PTPN4: variants seen among roughly 807,000 people sequenced by gnomAD.
PTPN4 encodes the protein tyrosine-protein phosphatase non-receptor type 4.
Under a neutral mutation model 135.5 loss-of-function variants are expected in PTPN4, and 49 were observed. The ratio of observed to expected loss-of-function variants is 0.36; its 90% CI spans 0.29 to 0.46. The LOEUF (loss-of-function observed/expected upper bound fraction) is 0.46, where lower values mean the gene tolerates loss of function less well. Ranked by LOEUF, PTPN4 falls within the 20% of genes least tolerant of loss-of-function variation. The pLI, the probability that PTPN4 is intolerant of heterozygous loss-of-function variation, is 1.00. For missense variants in PTPN4, 860 were observed against 1,101.0 expected (o/e 0.78, Z 3.10); for synonymous variants, 333 against 369.9 (o/e 0.90, Z 1.14).
chr2:119,853,673 A>G (rs1276023738), intron 2 of PTPN4, among the ~76,000 whole-genome samples: 1 of 152,196 alleles, frequency 6.6e-6, no homozygotes, highest in Admixed American at 6.5e-5. Context: ...AGCACATCAA[A>G]TAGGTATAAT....
chr2:119,969,195 T>C (rs1412598097), intron 26 of PTPN4, among the ~76,000 whole-genome samples: 3 of 152,004 alleles, frequency 2.0e-5, no homozygotes, highest in African/African-American at 7.3e-5. Flanking sequence ...TTATTTTTTG[T>C]AGAGAGGGGA....
intron 2 of PTPN4, among the ~76,000 whole-genome samples, chr2:119,853,695 C>G (rs1341663724): frequency 6.6e-6 from 1 of 152,036 alleles, no homozygotes; most frequent in African/African-American, 2.4e-5. Flanking sequence ...TTTGCTTTAG[C>G]CTTTAAACAT....
chr2:119,896,472 C>A (rs1256241968), intron 9 of PTPN4, among the ~76,000 whole-genome samples: 1 of 152,148 alleles, frequency 6.6e-6, no homozygotes, highest in South Asian at 2.1e-4. Context: ...CTATTTCCTG[C>A]AGATTGGCAG....
At chr2:119,881,895 T>C in intron 6 of PTPN4, 65 bp downstream of exon 6, 1 of 1,280,358 alleles carries the variant, frequency 7.8e-7, no homozygotes, top group Non-Finnish European at 1.1e-6. Context: ...TTTAAATCTG[T>C]GTTAAGTAAT....
rs1361854429 is a variant in PTPN4 at position 119,760,344 on chromosome 2, T to C, written c.-58T>C. ...CTCTGCGCGCCGGGGCCTCGAGGCT[T>C]TTTTTCTCCAGCCGAGAGGACGCGG... On this transcript the variant is annotated 5_prime_UTR_variant, in exon 1 of 27. Coordinates refer to ENST00000263708, the MANE Select transcript of PTPN4 (RefSeq NM_002830.4). 1 of 393,618 alleles carries C rather than the reference T, an allele frequency of 2.5e-6. No homozygotes were observed. Among genetic ancestry groups the C allele is most frequent in the African/African-American group, 2.1e-5 (1 of 48,368 alleles). 24.4% of individuals were successfully genotyped at this position (393,618 alleles called of 1,614,324 possible).
chr2:119,957,926 A>G (rs1460027285), intron 22 of PTPN4, among the ~76,000 whole-genome samples: 1 of 152,182 alleles, frequency 6.6e-6, no homozygotes, highest in Non-Finnish European at 1.5e-5. Context: ...GAAATATGTG[A>G]AAATTGTTTA....
intron 5 of PTPN4, among the ~76,000 whole-genome samples, chr2:119,880,696 T>A (rs1357374822): frequency 6.6e-6 from 1 of 151,952 alleles, no homozygotes; most frequent in African/African-American, 2.4e-5. Flanking sequence ...CGCCTCGGCC[T>A]CCCAGATAAC....
chr2:119,761,887 C>T (rs11682103), intron 1 of PTPN4, among the ~76,000 whole-genome samples: 31,887 of 152,064 alleles, frequency 0.21, 4,130 homozygotes, highest in South Asian at 0.33. Context: ...ACGAGTTCCT[C>T]AAAAGTAGTA....
chr2:119,823,342 C>G (rs779499257), intron 2 of PTPN4, among the ~76,000 whole-genome samples: 1 of 151,734 alleles, frequency 6.6e-6, no homozygotes, highest in Non-Finnish European at 1.5e-5. Flanking sequence ...TCACGCCATT[C>G]TCCTGTCTCA....
chr2:119,866,960 G>C (rs1433762166), intron 3 of PTPN4, among the ~76,000 whole-genome samples: 1 of 152,026 alleles, frequency 6.6e-6, no homozygotes. Context: ...GTTTAACTCT[G>C]TTGTATTTTG....
chr2:119,966,093 T>C (rs1679441259), intron 25 of PTPN4, among the ~76,000 whole-genome samples: 1 of 152,194 alleles, frequency 6.6e-6, no homozygotes, highest in Non-Finnish European at 1.5e-5. Context: ...TGAGGACTGC[T>C]CTCTGCTTCC....
At chr2:119,858,576 AT>A (rs1473352869) in intron 2 of PTPN4, among the ~76,000 whole-genome samples, 1 of 151,728 alleles carries the variant, frequency 6.6e-6, no homozygotes, top group Non-Finnish European at 1.5e-5. Flanking sequence ...ATGTCACCTC[AT>A]TTTTTTCTTG....
chr2:119,875,785 G>A (rs1677975328), intron 3 of PTPN4, among the ~76,000 whole-genome samples: 1 of 152,134 alleles, frequency 6.6e-6, no homozygotes, highest in South Asian at 2.1e-4. Flanking sequence ...GCTAGGTGCT[G>A]ACTCTACAGT....
rs190353188 is a variant in PTPN4 at position 119,942,265 on chromosome 2, A to C, written c.1356-2816A>C. On this transcript the variant is annotated intron_variant, in intron 15 of 26. Transcript: ENST00000263708. ...CCATAGAATCAGTGCTGTCCCTCTC[A>C]TGTAACTGAGTATTGCCACTGTTAG... Among the ~76,000 whole-genome samples the C allele has an allele frequency of 5.5e-3, 844 of 152,282 alleles. 5 individuals are homozygous for C. The highest frequency in any genetic ancestry group is 7.3e-3 in the Non-Finnish European group (499 of 68,024).
At chr2:119,877,600 T>C in intron 5 of PTPN4, 58 bp downstream of exon 5, 1 of 1,533,922 alleles carries the variant, frequency 6.5e-7, no homozygotes, top group South Asian at 1.3e-5. Flanking sequence ...TATGAAATTT[T>C]GAAATTAATT....
chr2:119,961,092 C>A (rs1679358604), intron 23 of PTPN4, 139 bp downstream of exon 23: 2 of 1,033,618 alleles, frequency 1.9e-6, no homozygotes, highest in Non-Finnish European at 1.4e-6. Context: ...TTTAAATCAT[C>A]ATGTTTAAGT....
intron 1 of PTPN4, among the ~76,000 whole-genome samples, chr2:119,809,228 T>C (rs1691534987): frequency 1.3e-5 from 2 of 152,060 alleles, no homozygotes; most frequent in Non-Finnish European, 2.9e-5. Context: ...TCTGTTGTTT[T>C]ATAGGCCATC....
At chr2:119,958,885 T>C (rs922304405) in intron 22 of PTPN4, among the ~76,000 whole-genome samples, 1 of 152,148 alleles carries the variant, frequency 6.6e-6, no homozygotes, top group South Asian at 2.1e-4. Flanking sequence ...TTCTTGCACT[T>C]AGAAACACTA....
intron 1 of PTPN4, among the ~76,000 whole-genome samples, chr2:119,790,244 T>TG (rs1264287906): frequency 6.6e-6 from 1 of 152,170 alleles, no homozygotes; most frequent in Non-Finnish European, 1.5e-5. Context: ...TTTATAATGT[T>TG]GTTCAAATGT....
Sources: gnomAD v4.1 joint callset for allele counts (sites outside exome capture counted in the v4.1 genomes callset) on GRCh38, gnomAD v4.1.1 for gene constraint, MANE v1.5 for transcripts, NCBI Gene and HGNC (gene_info 2026-07-23, HGNC 2026-07-21) for gene names.